UGT1A8: variants seen among roughly 807,000 people sequenced by gnomAD.
UGT1A8 encodes UDP-glucuronosyltransferase 1A8.
UGT1A8 carries 39 observed loss-of-function variants against 45.3 expected under a neutral mutation model. The observed-to-expected ratio is 0.86, with a 90% confidence interval of 0.67 to 1.12. The LOEUF is 1.12. Among genes scored for constraint, UGT1A8 ranks in the 50% most tolerant of loss-of-function variants. The pLI is 0.00. For missense variants in UGT1A8, 719 were observed against 664.9 expected (o/e 1.08, Z -0.90); for synonymous variants, 275 against 249.2 (o/e 1.10, Z -0.97).
intron 1 of UGT1A8, among the ~76,000 whole-genome samples, chr2:233,623,626 T>C (rs1409442399): frequency 6.6e-6 from 1 of 152,164 alleles, no homozygotes; most frequent in African/African-American, 2.4e-5. Flanking sequence ...CAGTAAAAAT[T>C]TTTTAATATT....
chr2:233,693,151 C>T, intron 1 of UGT1A8: 1 of 1,614,208 alleles, frequency 6.2e-7, no homozygotes, highest in Non-Finnish European at 8.5e-7. Flanking sequence ...TTGAGGTTCT[C>T]AGTGACCGGG....
intron 1 of UGT1A8, among the ~76,000 whole-genome samples, chr2:233,641,481 T>C (rs1005323041): frequency 6.6e-6 from 1 of 152,214 alleles, no homozygotes; most frequent in African/African-American, 2.4e-5. Flanking sequence ...AAAAGTTGTT[T>C]AGTTATTATT....
rs768704616 is a variant in UGT1A8 at position 233,772,137 on chromosome 2, T to G, written c.1296-125T>G. On this transcript the variant is annotated intron_variant, in intron 4 of 4. Transcript: ENST00000373450. Reference sequence around the variant, plus strand: ...CTAAAAACAACAACAACAACAATAATAGAAACAGGTTTCCTTTCCCAAGTT... The same window carrying G: ...CTAAAAACAACAACAACAACAATAAGAGAAACAGGTTTCCTTTCCCAAGTT... 6.0e-5 allele frequency: 93 copies of G among 1,547,684 alleles called. 1 individual carries two copies. The highest frequency in any genetic ancestry group is 4.6e-4 in the Middle Eastern group (2 of 4,368).
At chr2:233,721,199 C>T (rs1012504962) in intron 1 of UGT1A8, among the ~76,000 whole-genome samples, 4 of 152,106 alleles carry the variant, frequency 2.6e-5, no homozygotes, top group Admixed American at 2.0e-4. Context: ...ATTTGTTCTA[C>T]TGGTTTTCTT....
At chr2:233,714,647 C>T (rs886443122) in intron 1 of UGT1A8, among the ~76,000 whole-genome samples, 1 of 152,174 alleles carries the variant, frequency 6.6e-6, no homozygotes, top group Non-Finnish European at 1.5e-5. Context: ...GTGAATAATG[C>T]ATTTTATTTA....
chr2:233,678,990 A>G (rs914113792), intron 1 of UGT1A8, among the ~76,000 whole-genome samples: 2 of 152,218 alleles, frequency 1.3e-5, no homozygotes, highest in Non-Finnish European at 2.9e-5. Context: ...AGCTCTTTCT[A>G]TAATAACAGT....
intron 4 of UGT1A8, chr2:233,771,560 G>A (rs1700329109): frequency 6.6e-6 from 1 of 152,164 alleles, no homozygotes; most frequent in South Asian, 2.1e-4. Flanking sequence ...TGTTAATTTG[G>A]CCAGAGGTGG....
chr2:233,749,939 T>C (rs1438530093), intron 1 of UGT1A8, among the ~76,000 whole-genome samples: 1 of 151,928 alleles, frequency 6.6e-6, no homozygotes, highest in African/African-American at 2.4e-5. Context: ...CTTTCCTTTA[T>C]GAATTACCGA....
chr2:233,642,595 G>A (rs933816458), intron 1 of UGT1A8, among the ~76,000 whole-genome samples: 6 of 152,152 alleles, frequency 3.9e-5, no homozygotes, highest in African/African-American at 1.4e-4. Context: ...TTCAGTGTCT[G>A]GGCATTGAAG....
At chr2:233,649,496 A>G (rs1386907205) in intron 1 of UGT1A8, among the ~76,000 whole-genome samples, 1 of 152,262 alleles carries the variant, frequency 6.6e-6, no homozygotes, top group Non-Finnish European at 1.5e-5. Context: ...TTGAAATTAT[A>G]TATAAGCATA....
intron 1 of UGT1A8, among the ~76,000 whole-genome samples, chr2:233,751,182 A>C (rs1481520525): frequency 1.3e-5 from 2 of 151,938 alleles, no homozygotes; most frequent in African/African-American, 4.9e-5. Flanking sequence ...ATGAGACATG[A>C]AGTTAAAGGT....
intron 1 of UGT1A8, among the ~76,000 whole-genome samples, chr2:233,657,207 T>C (rs1393237754): frequency 1.3e-5 from 2 of 152,214 alleles, no homozygotes; most frequent in East Asian, 3.8e-4. Flanking sequence ...TCCTGGCTCA[T>C]GGGCTTTATT....
chr2:233,772,831 T>TCACACAAGAAAGCCAGCAAGGAAGCAAGG lies in UGT1A8; in HGVS notation c.*273_*274insACACAAGAAAGCCAGCAAGGAAGCAAGGC. On this transcript the variant is annotated 3_prime_UTR_variant, in exon 5 of 5. Coordinates refer to ENST00000373450, the MANE Select transcript of UGT1A8 (RefSeq NM_019076.5). ...AGAGGACGTGCAGACAGGCTGGCAT[T>TCACACAAGAAAGCCAGCAAGGAAGCAAGG]CTAGATTACTTTTCTTACTCTGAAA... The TCACACAAGAAAGCCAGCAAGGAAGCAAGG allele has an allele frequency of 4.5e-6, 4 of 893,952 alleles. No individual in the cohort carries two copies. Among genetic ancestry groups the TCACACAAGAAAGCCAGCAAGGAAGCAAGG allele is most frequent in the Non-Finnish European group, 6.2e-6 (4 of 642,656 alleles). 55.4% of individuals were successfully genotyped at this position (893,952 alleles called of 1,614,324 possible).
intron 1 of UGT1A8, chr2:233,694,016 A>G: frequency 2.2e-6 from 3 of 1,386,912 alleles, no homozygotes; most frequent in South Asian, 2.7e-5. Flanking sequence ...GCGGGAACAC[A>G]TAGGAGACCT....
chr2:233,627,164 T>C (rs2073098680), intron 1 of UGT1A8, among the ~76,000 whole-genome samples: 1 of 152,036 alleles, frequency 6.6e-6, no homozygotes, highest in South Asian at 2.1e-4. Flanking sequence ...GTCTTTTGTG[T>C]CATCTTGTTT....
At chr2:233,683,614 CTGTTT>C (rs1257566259) in intron 1 of UGT1A8, among the ~76,000 whole-genome samples, 11 of 152,068 alleles carry the variant, frequency 7.2e-5, no homozygotes, top group African/African-American at 2.7e-4. Context: ...TATTCGGATT[CTGTTT>C]TATTTCCATA....
chr2:233,743,398 G>A, intron 1 of UGT1A8: 3 of 1,279,318 alleles, frequency 2.3e-6, no homozygotes. Context: ...GCAGAAGGAA[G>A]AAAGGCCCCC....
In UGT1A8 at chr2:233,648,123, T is replaced by G. The variant is rs1032179065; in HGVS notation, c.855+29561T>G. The stretch of plus-strand genomic sequence containing the variant: ...AGGAGTTCATGGCTTTTGCCAATGC[T>G]CAATGGGAAGCAGAAGTACGACGCT... On this transcript the variant is annotated intron_variant, in intron 1 of 4. Coordinates refer to ENST00000373450, the MANE Select transcript of UGT1A8 (RefSeq NM_019076.5). 2.0e-5 allele frequency: 28 copies of G among 1,370,594 alleles called. No individual in the cohort carries two copies. The Admixed American group carries it at 6.3e-4, about 31-fold the overall frequency. 84.9% of individuals were successfully genotyped at this position (1,370,594 alleles called of 1,614,324 possible).
intron 1 of UGT1A8, among the ~76,000 whole-genome samples, chr2:233,703,091 G>A (rs1243332087): frequency 6.6e-6 from 1 of 152,122 alleles, no homozygotes; most frequent in Non-Finnish European, 1.5e-5. Context: ...TTTTCTTGCA[G>A]GAGGTTTTAA....
Sources: allele counts gnomAD v4.1 joint callset (sites outside exome capture counted in the v4.1 genomes callset), GRCh38; gene constraint gnomAD v4.1.1; transcripts MANE v1.5; gene names NCBI Gene and HGNC (gene_info 2026-07-23, HGNC 2026-07-21).